Variants in CSNK1G1 observed in about 807,000 individuals in gnomAD.
The protein encoded by CSNK1G1 is casein kinase I isoform gamma-1.
A neutral mutation model predicts 59.6 loss-of-function variants in CSNK1G1; 22 were observed. The ratio of observed to expected loss-of-function variants is 0.37; its 90% CI spans 0.26 to 0.53. The LOEUF (loss-of-function observed/expected upper bound fraction) is 0.53. Ranked by LOEUF, CSNK1G1 falls within the 20% of genes least tolerant of loss-of-function variation. CSNK1G1 has a pLI of 0.89. For missense variants in CSNK1G1, 384 were observed against 519.5 expected (o/e 0.74, Z 2.54); for synonymous variants, 179 against 177.1 (o/e 1.01, Z -0.08).
chr15:64,332,093 A>G (rs1897139258), intron 1 of CSNK1G1, among the ~76,000 whole-genome samples: 1 of 142,832 alleles, frequency 7.0e-6, no homozygotes, highest in Non-Finnish European at 1.5e-5. Context: ...AAACTAGTTC[A>G]ACCATTGTGG....
Position 64,176,638 on chromosome 15 carries a change from A to G in CSNK1G1, c.1214+3710T>C, listed in dbSNP as rs1348719867. ...AAATGACCCTGCCTGTAAGAACTCA[A>G]TCAAGCACCAGGGGTGAACCATTTT... On this transcript the variant is annotated intron_variant, in intron 11 of 11. Transcript: ENST00000303052. The surrounding 1 kb of genome is among the most constrained non-coding windows in gnomAD (Gnocchi z 5.2). 6.6e-6 allele frequency among the ~76,000 whole-genome samples: 1 copy of G among 152,196 alleles called. No homozygotes were observed. Among genetic ancestry groups the G allele is most frequent in the Non-Finnish European group, 1.5e-5 (1 of 68,034 alleles).
intron 3 of CSNK1G1, among the ~76,000 whole-genome samples, chr15:64,255,104 T>C (rs192551016): frequency 1.3e-3 from 195 of 152,296 alleles, no homozygotes; most frequent in Non-Finnish European, 2.3e-3. Context: ...TGAGATGGAA[T>C]CTTACTCTGT....
chr15:64,303,460 T>G (rs903419394), intron 1 of CSNK1G1, among the ~76,000 whole-genome samples: 1 of 150,918 alleles, frequency 6.6e-6, no homozygotes, highest in African/African-American at 2.4e-5. Context: ...ACAAAAAATT[T>G]AAAAATTAGG....
chr15:64,177,100 C>T (rs540319267), intron 11 of CSNK1G1, among the ~76,000 whole-genome samples: 2 of 152,180 alleles, frequency 1.3e-5, no homozygotes, highest in Non-Finnish European at 2.9e-5. Context: ...TTCACATGTT[C>T]GTTTTGTACA....
intron 4 of CSNK1G1, among the ~76,000 whole-genome samples, chr15:64,221,960 T>C (rs2082393873): frequency 1.3e-5 from 2 of 152,090 alleles, no homozygotes; most frequent in Non-Finnish European, 2.9e-5. Context: ...CATTCTACTA[T>C]AAAGACACAT....
At chr15:64,278,418 G>GTA (rs751622081) in intron 2 of CSNK1G1, among the ~76,000 whole-genome samples, 16 of 77,740 alleles carry the variant, frequency 2.1e-4, no homozygotes, top group South Asian at 1.1e-3. Context: ...GTGTGTGTGT[G>GTA]TATATATATA....
intron 4 of CSNK1G1, among the ~76,000 whole-genome samples, chr15:64,220,121 G>A (rs1414858482): frequency 1.3e-5 from 2 of 148,580 alleles, no homozygotes; most frequent in East Asian, 3.9e-4. Flanking sequence ...TTGAGACAGA[G>A]TCTTGCTCTG....
At chr15:64,332,884 C>A (rs947311064) in intron 1 of CSNK1G1, among the ~76,000 whole-genome samples, 1 of 151,846 alleles carries the variant, frequency 6.6e-6, no homozygotes, top group African/African-American at 2.4e-5. Flanking sequence ...ATGTTCAAAC[C>A]TAAGAATCAC....
At chr15:64,245,978 T>C (rs940128041) in intron 4 of CSNK1G1, among the ~76,000 whole-genome samples, 1 of 152,140 alleles carries the variant, frequency 6.6e-6, no homozygotes, top group African/African-American at 2.4e-5. Context: ...GCTTGGTTAA[T>C]GGGTACAAAC....
intron 2 of CSNK1G1, among the ~76,000 whole-genome samples, chr15:64,285,367 C>CA (rs1461951881): frequency 4.6e-5 from 7 of 151,454 alleles, no homozygotes; most frequent in Non-Finnish European, 1.0e-4. Context: ...TATTGCCTAC[C>CA]AAAAAAAATT....
chr15:64,197,313 A>C (rs942490201), intron 10 of CSNK1G1, among the ~76,000 whole-genome samples: 26 of 152,182 alleles, frequency 1.7e-4, no homozygotes, highest in Admixed American at 6.5e-4. Flanking sequence ...TGTCATCTCT[A>C]TGCCTTGACT....
At chr15:64,350,665 G>T (rs1898238489) in intron 1 of CSNK1G1, among the ~76,000 whole-genome samples, 2 of 152,168 alleles carry the variant, frequency 1.3e-5, no homozygotes, top group Admixed American at 1.3e-4. Context: ...TTCACTGATA[G>T]AGCTGATATT....
At chr15:64,294,421 C>G (rs1894904556) in intron 2 of CSNK1G1, among the ~76,000 whole-genome samples, 1 of 151,962 alleles carries the variant, frequency 6.6e-6, no homozygotes, top group Non-Finnish European at 1.5e-5. Flanking sequence ...TAAAATATGT[C>G]CTAATACACA....
chr15:64,273,730 T>TAA (rs780466407), intron 2 of CSNK1G1, among the ~76,000 whole-genome samples: 28 of 108,956 alleles, frequency 2.6e-4, no homozygotes, highest in African/African-American at 6.9e-4. Context: ...GCTGATGAGC[T>TAA]AAAAAAAAAA....
chr15:64,269,651 G>A (rs760365420), intron 2 of CSNK1G1, among the ~76,000 whole-genome samples: 15 of 151,104 alleles, frequency 9.9e-5, no homozygotes, highest in Non-Finnish European at 1.8e-4. Flanking sequence ...ATACTACCAC[G>A]TCCAGCTAAT....
chr15:64,206,451 C>A lies in CSNK1G1; in HGVS notation c.765+1058G>T, dbSNP rs142403697. 7.7e-3 allele frequency among the ~76,000 whole-genome samples: 1,173 copies of A among 151,458 alleles called. 12 individuals are homozygous for A. Among genetic ancestry groups the A allele is most frequent in the African/African-American group, 0.027 (1,130 of 41,280 alleles). ...CGAGAGTCCGTCTCAAAACAAAAAC[C>A]AAAAAATTAGCTGGGCGTGGTGGCA... On this transcript the variant is annotated intron_variant, in intron 7 of 11. Coordinates refer to ENST00000303052, the MANE Select transcript of CSNK1G1 (RefSeq NM_022048.5).
At chr15:64,233,196 T>C (rs78999752) in intron 4 of CSNK1G1, among the ~76,000 whole-genome samples, 2,939 of 152,328 alleles carry the variant, frequency 0.019, 89 homozygotes, top group African/African-American at 0.068. Context: ...GCTGAAAAGG[T>C]GTCAGTACTT....
intron 1 of CSNK1G1, among the ~76,000 whole-genome samples, chr15:64,321,041 T>C (rs986780072): frequency 1.3e-5 from 2 of 152,112 alleles, no homozygotes; most frequent in Non-Finnish European, 2.9e-5. Flanking sequence ...GTATGAGATA[T>C]TTATAATGCT....
At chr15:64,309,965 T>TTA (rs1895903671) in intron 1 of CSNK1G1, among the ~76,000 whole-genome samples, 1 of 151,156 alleles carries the variant, frequency 6.6e-6, no homozygotes, top group African/African-American at 2.4e-5. Flanking sequence ...TTTTTTTTTT[T>TTA]AAATTAGCAG....
Sources: gnomAD v4.1 joint callset for allele counts (sites outside exome capture counted in the v4.1 genomes callset) on GRCh38, gnomAD v4.1.1 for gene constraint, Gnocchi (gnomAD v3.1) non-coding constraint, MANE v1.5 for transcripts, NCBI Gene and HGNC (gene_info 2026-07-23, HGNC 2026-07-21) for gene names.